Variants in ABCC9 observed in about 807,000 individuals in gnomAD.
ABCC9 encodes ATP-binding cassette sub-family C member 9.
ABCC9 carries 95 observed loss-of-function variants against 188.3 expected under a neutral mutation model. That is an observed-to-expected ratio of 0.50 (90% confidence interval 0.43 to 0.60). The LOEUF (loss-of-function observed/expected upper bound fraction) is 0.60. Among genes scored for constraint, ABCC9 ranks in the 20% least tolerant of loss-of-function variants. ABCC9 has a pLI of 0.00. For synonymous variants in ABCC9, 659 were observed against 652.7 expected (o/e 1.01, Z -0.15); for missense variants, 1,102 against 1,876.3 (o/e 0.59, Z 7.62).
chr12:21,883,189 A>G (rs1201573372), intron 15 of ABCC9, among the ~76,000 whole-genome samples: 1 of 152,250 alleles, frequency 6.6e-6, no homozygotes, highest in Non-Finnish European at 1.5e-5. Context: ...TGCCCAGGCA[A>G]TAAAAACAAC....
chr12:21,874,255 G>A (rs138215520), intron 17 of ABCC9, among the ~76,000 whole-genome samples: 49 of 151,976 alleles, frequency 3.2e-4, no homozygotes, highest in Non-Finnish European at 3.5e-4. Context: ...ATATAAAATG[G>A]CATTCAACAA....
At chr12:21,812,236 T>A (rs7966926) in intron 35 of ABCC9, 79 bp from the exon 36 acceptor site, 1 of 1,143,344 alleles carries the variant, frequency 8.7e-7, no homozygotes. Context: ...TTGAAAGTTA[T>A]TTCTTAGTTA....
At chr12:21,858,876 T>C (rs1945361107) in intron 22 of ABCC9, among the ~76,000 whole-genome samples, 1 of 152,182 alleles carries the variant, frequency 6.6e-6, no homozygotes. Context: ...AAGGCAGGGA[T>C]GCATTTACAT....
At chr12:21,892,016 A>T (rs553347518) in intron 14 of ABCC9, among the ~76,000 whole-genome samples, 1 of 152,292 alleles carries the variant, frequency 6.6e-6, no homozygotes, top group East Asian at 1.9e-4. Context: ...CAATTCAACC[A>T]CTGAAACTCA....
chr12:21,920,627 C>T (rs1424282909), intron 5 of ABCC9, among the ~76,000 whole-genome samples: 1 of 151,728 alleles, frequency 6.6e-6, no homozygotes, highest in Non-Finnish European at 1.5e-5. Flanking sequence ...TGACTGTAGC[C>T]ATCCTGTTGT....
chr12:21,869,768 C>G (rs1474390669), intron 18 of ABCC9: 1 of 152,196 alleles, frequency 6.6e-6, no homozygotes, highest in Admixed American at 6.5e-5. Flanking sequence ...AGGCCACATT[C>G]TAGACTGTAA....
chr12:21,852,978 A>C (rs1945044132), intron 22 of ABCC9, among the ~76,000 whole-genome samples: 1 of 152,212 alleles, frequency 6.6e-6, no homozygotes, highest in Admixed American at 6.5e-5. Flanking sequence ...AGAATGAAAA[A>C]GATAATTGTA....
intron 24 of ABCC9, among the ~76,000 whole-genome samples, chr12:21,848,775 A>C (rs1332516810): frequency 1.3e-5 from 2 of 152,174 alleles, no homozygotes; most frequent in Non-Finnish European, 2.9e-5. Context: ...ATCTGAAAGA[A>C]GGTAGAGAAC....
At chr12:21,806,473 T>A (rs1941854481) in intron 38 of ABCC9, among the ~76,000 whole-genome samples, 1 of 152,144 alleles carries the variant, frequency 6.6e-6, no homozygotes, top group African/African-American at 2.4e-5. Flanking sequence ...GACACATAAA[T>A]GGACATTCTA....
intron 30 of ABCC9, among the ~76,000 whole-genome samples, chr12:21,830,069 A>G (rs180738512): frequency 4.6e-5 from 7 of 152,260 alleles, no homozygotes; most frequent in Admixed American, 3.9e-4. Context: ...TATGATATAT[A>G]TCGTTTGGAT....
At chr12:21,834,590 C>T (rs765014485) in intron 30 of ABCC9, among the ~76,000 whole-genome samples, 13 of 151,776 alleles carry the variant, frequency 8.6e-5, no homozygotes, top group Admixed American at 3.3e-4. Flanking sequence ...TCTAGGGAGG[C>T]GAAGTGCTTG....
At chr12:21,882,052 T>G (rs908441613) in intron 16 of ABCC9, among the ~76,000 whole-genome samples, 1 of 152,182 alleles carries the variant, frequency 6.6e-6, no homozygotes, top group African/African-American at 2.4e-5. Flanking sequence ...AACATAGCTC[T>G]TGGCTCTACT....
At chr12:21,878,589 G>A (rs1416719945) in intron 16 of ABCC9, among the ~76,000 whole-genome samples, 1 of 152,152 alleles carries the variant, frequency 6.6e-6, no homozygotes, top group East Asian at 1.9e-4. Context: ...CAGAACGGTG[G>A]ACTAGGAAAC....
At chr12:21,919,084 G>C (rs1033749255) in intron 5 of ABCC9, among the ~76,000 whole-genome samples, 1 of 151,832 alleles carries the variant, frequency 6.6e-6, no homozygotes. Context: ...TACAGCTTTA[G>C]ATATTTATTT....
At chr12:21,907,340 C>G (rs1304775279) in intron 11 of ABCC9, among the ~76,000 whole-genome samples, 2 of 151,984 alleles carry the variant, frequency 1.3e-5, no homozygotes, top group Non-Finnish European at 2.9e-5. Context: ...ACATGCAACT[C>G]GCTTGTCATA....
At chr12:21,870,588 A>C (rs1007519371) in intron 18 of ABCC9, among the ~76,000 whole-genome samples, 2 of 152,162 alleles carry the variant, frequency 1.3e-5, no homozygotes, top group African/African-American at 4.8e-5. Context: ...AAAAAGAGAA[A>C]ATCAATCTCT....
At chr12:21,872,505 G>C in intron 18 of ABCC9, 120 bp downstream of exon 18, 2 of 774,588 alleles carry the variant, frequency 2.6e-6, no homozygotes, top group South Asian at 3.1e-5. Context: ...TTTTAAAGCT[G>C]TGCTTATTTC....
At chr12:21,804,854 T>C (rs1941726919) in intron 39 of ABCC9, among the ~76,000 whole-genome samples, 1 of 152,220 alleles carries the variant, frequency 6.6e-6, no homozygotes, top group African/African-American at 2.4e-5. Flanking sequence ...AAGAAATGTG[T>C]ATGGCATTTT....
At chr12:21,879,277 T>C (rs1035028929) in intron 16 of ABCC9, among the ~76,000 whole-genome samples, 4 of 152,108 alleles carry the variant, frequency 2.6e-5, no homozygotes, top group Non-Finnish European at 5.9e-5. Flanking sequence ...GGTATGTATA[T>C]TGGGGATGAG....
Sources: allele counts gnomAD v4.1 joint callset (sites outside exome capture counted in the v4.1 genomes callset), GRCh38; gene constraint gnomAD v4.1.1; transcripts MANE v1.5; gene names NCBI Gene and HGNC (gene_info 2026-07-23, HGNC 2026-07-21).